HERC3: variants seen among roughly 807,000 people sequenced by gnomAD.
The protein encoded by HERC3 is probable E3 ubiquitin-protein ligase HERC3.
Under a neutral mutation model 129.9 loss-of-function variants are expected in HERC3, and 58 were observed. The observed-to-expected ratio is 0.45, with a 90% confidence interval of 0.36 to 0.56. HERC3 has a LOEUF of 0.56. Among genes scored for constraint, HERC3 ranks in the 20% least tolerant of loss-of-function variants. The pLI is 0.00. For synonymous variants in HERC3, 430 were observed against 451.0 expected (o/e 0.95, Z 0.59); for missense variants, 835 against 1,244.2 (o/e 0.67, Z 4.95).
intron 3 of HERC3, among the ~76,000 whole-genome samples, chr4:88,641,791 A>G (rs1728119823): frequency 6.6e-6 from 1 of 152,148 alleles, no homozygotes; most frequent in Non-Finnish European, 1.5e-5. Flanking sequence ...CTATAACTAT[A>G]AAGAATGGAA....
chr4:88,651,119 G>T (rs971244617), intron 4 of HERC3, among the ~76,000 whole-genome samples: 5 of 152,146 alleles, frequency 3.3e-5, no homozygotes, highest in Non-Finnish European at 7.4e-5. Flanking sequence ...GTTATGTTGT[G>T]TGTAATACTA....
At chr4:88,578,600 TAGTC>T in the HERC3 span, among the ~76,000 whole-genome samples, 354 of 147,592 alleles carry the variant, frequency 2.4e-3, 4 homozygotes, top group East Asian at 0.028. Flanking sequence ...AAAAAAGAAA[TAGTC>T]AGAATCTTCA....
At chr4:88,671,150 A>G (rs1731574895) in intron 16 of HERC3, among the ~76,000 whole-genome samples, 2 of 152,128 alleles carry the variant, frequency 1.3e-5, no homozygotes, top group African/African-American at 2.4e-5. Context: ...CTTGGGATAT[A>G]TGCAAGGCTC....
the HERC3 span, among the ~76,000 whole-genome samples, chr4:88,525,150 A>G: frequency 6.6e-5 from 10 of 152,310 alleles, no homozygotes; most frequent in Admixed American, 3.9e-4. Context: ...TTTAAGAGAT[A>G]ATGAAAGTCT....
intron 3 of HERC3, among the ~76,000 whole-genome samples, chr4:88,610,701 A>G (rs1209481021): frequency 6.6e-6 from 1 of 152,108 alleles, no homozygotes; most frequent in Non-Finnish European, 1.5e-5. Context: ...TGGTCTTGGA[A>G]CTTGGGGGAG....
intron 18 of HERC3, among the ~76,000 whole-genome samples, chr4:88,677,620 T>A (rs1267307444): frequency 6.6e-6 from 1 of 152,210 alleles, no homozygotes. Flanking sequence ...TTAGCTTTCT[T>A]TTCCTGCCAT....
chr4:88,559,999 G>A, the HERC3 span, among the ~76,000 whole-genome samples: 51 of 142,866 alleles, frequency 3.6e-4, no homozygotes, highest in African/African-American at 8.3e-4. Context: ...TTGCTCTGTC[G>A]CCCAGGCTGG....
the HERC3 span, among the ~76,000 whole-genome samples, chr4:88,586,650 C>A: frequency 6.6e-6 from 1 of 152,092 alleles, no homozygotes; most frequent in South Asian, 2.1e-4. Flanking sequence ...TGAGCCACCA[C>A]GCCTGGCCGA....
Position 88,652,997 on chromosome 4 carries a change from G to A in HERC3, c.592G>A (p.Gly198Arg), listed in dbSNP as rs367996368. 20 of 1,614,226 alleles carry A rather than the reference G, an allele frequency of 1.2e-5. No individual in the cohort carries two copies. Among genetic ancestry groups the A allele is most frequent in the Non-Finnish European group, 1.7e-5 (20 of 1,180,030 alleles). Reference sequence around the variant, plus strand: ...GATCCCACTGGCTCAGGTGGCTGCCGGAGGGGCTCACAGCTTTGCCCTGTC... The same window carrying A: ...GATCCCACTGGCTCAGGTGGCTGCCAGAGGGGCTCACAGCTTTGCCCTGTC... ...EGIPLAQVAAGGAHSFALSLS... is the reference protein window; with the variant it reads ...EGIPLAQVAARGAHSFALSLS... The change falls in exon 6 of 26, where the codon GGA becomes AGA. Residue 198 changes from glycine (G) to arginine (R), a missense_variant. Physicochemically the swap from Gly to Arg is moderately radical, Grantham distance 125. Transcript: ENST00000402738.
In HERC3 at chr4:88,638,472, C is replaced by T. The variant is rs555859691; in HGVS notation, c.227-11368C>T. On this transcript the variant is annotated intron_variant, in intron 3 of 25. Transcript: ENST00000402738. Reference sequence around the variant, plus strand: ...CAATAAACATAATCTATCACATAAACAGAACCAATGATAAAACCATATGAT... The same window carrying T: ...CAATAAACATAATCTATCACATAAATAGAACCAATGATAAAACCATATGAT... Among the ~76,000 whole-genome samples the T allele has an allele frequency of 9.2e-5, 14 of 152,296 alleles. No homozygotes were observed. The East Asian group carries it at 1.7e-3, about 19-fold the overall frequency.
At chr4:88,622,203 T>G (rs919512672) in intron 3 of HERC3, among the ~76,000 whole-genome samples, 1 of 152,252 alleles carries the variant, frequency 6.6e-6, no homozygotes, top group Non-Finnish European at 1.5e-5. Flanking sequence ...ATAGATTTGC[T>G]TATTTTGAAC....
chr4:88,631,358 G>A (rs2149240586), intron 3 of HERC3, among the ~76,000 whole-genome samples: 1 of 152,310 alleles, frequency 6.6e-6, no homozygotes, highest in Non-Finnish European at 1.5e-5. Flanking sequence ...GAGAGGCTGA[G>A]GCAGGAGAAT....
At chr4:88,530,277 G>A in the HERC3 span, among the ~76,000 whole-genome samples, 5 of 151,316 alleles carry the variant, frequency 3.3e-5, no homozygotes, top group African/African-American at 9.7e-5. Context: ...GTGACAGAGT[G>A]AGATTCCGTC....
the HERC3 span, chr4:88,583,536 A>G: frequency 6.6e-6 from 1 of 152,240 alleles, no homozygotes; most frequent in African/African-American, 2.4e-5. Flanking sequence ...GTAATATCAA[A>G]GAAAATATAA....
At chr4:88,699,726 C>T (rs1214860439) in intron 23 of HERC3, among the ~76,000 whole-genome samples, 1 of 151,970 alleles carries the variant, frequency 6.6e-6, no homozygotes, top group Non-Finnish European at 1.5e-5. Context: ...ATTCATTTGA[C>T]TAACTTAACT....
At chr4:88,593,587 C>T (rs1721995825) in intron 1 of HERC3, 2 of 152,196 alleles carry the variant, frequency 1.3e-5, no homozygotes, top group Admixed American at 6.5e-5. Flanking sequence ...TTAGGAAGTA[C>T]CTAATTCAGA....
In HERC3 at chr4:88,658,418, G is replaced by A. The variant is rs150158358; in HGVS notation, c.1073G>A (p.Arg358His). The change falls in exon 10 of 26, where the codon CGC becomes CAC. Residue 358 changes from arginine to histidine, a missense_variant. Physicochemically the swap from Arg to His is conservative, Grantham distance 29. Transcript: ENST00000402738. ...HSGQLSARADRFKYHIVKQIF... is the reference protein window; with the variant it reads ...HSGQLSARADHFKYHIVKQIF... ...TTCGGAATTTTTTTTTTGACAGATC[G>A]CTTTAAATATCATATCGTTAAGCAG... 67 of 1,572,440 alleles carry A rather than the reference G, an allele frequency of 4.3e-5. 1 individual carries two copies. The highest frequency in any genetic ancestry group is 3.1e-4 in the Admixed American group (17 of 55,230).
chr4:88,627,077 T>C (rs1414641670), intron 3 of HERC3, among the ~76,000 whole-genome samples: 5 of 152,168 alleles, frequency 3.3e-5, no homozygotes, highest in Admixed American at 2.6e-4. Flanking sequence ...CCACAAACTT[T>C]AATTCCATGT....
At chr4:88,671,696 G>C (rs1309081831) in intron 16 of HERC3, among the ~76,000 whole-genome samples, 1 of 151,892 alleles carries the variant, frequency 6.6e-6, no homozygotes, top group Admixed American at 6.6e-5. Context: ...GCTAATTTTT[G>C]TATTTTTTGT....
Sources: gnomAD v4.1 joint callset for allele counts (sites outside exome capture counted in the v4.1 genomes callset) on GRCh38, gnomAD v4.1.1 for gene constraint, MANE v1.5 for transcripts, NCBI Gene and HGNC (gene_info 2026-07-23, HGNC 2026-07-21) for gene names.